SMC1B: variants seen among roughly 807,000 people sequenced by gnomAD.
The protein encoded by SMC1B is structural maintenance of chromosomes protein 1B.
A neutral mutation model predicts 157.9 loss-of-function variants in SMC1B; 60 were observed. That is an observed-to-expected ratio of 0.38 (90% CI 0.31 to 0.47). The LOEUF is 0.47. Among genes scored for constraint, SMC1B ranks in the 20% least tolerant of loss-of-function variants. The pLI is 0.99. For synonymous variants in SMC1B, 445 were observed against 483.0 expected (o/e 0.92, Z 1.03); for missense variants, 1,165 against 1,426.2 (o/e 0.82, Z 2.95).
intron 6 of SMC1B, among the ~76,000 whole-genome samples, chr22:45,396,899 A>C (rs2087131357): frequency 6.6e-6 from 1 of 152,022 alleles, no homozygotes. Context: ...CAAGAAGGAA[A>C]CTGATTACTT....
chr22:45,392,653 A>T lies in SMC1B; in HGVS notation c.1545+981T>A, dbSNP rs772835627. 3.9e-5 allele frequency among the ~76,000 whole-genome samples: 6 copies of T among 152,120 alleles called. No homozygotes were observed. In the South Asian group the frequency reaches 1.2e-3, roughly 31 times the overall value. On this transcript the variant is annotated intron_variant, in intron 9 of 24. Transcript: ENST00000357450. ...AAAGGAGATGAAGATGGGTGGCCAGAGACATAGGAGGAAAACCATGAAAGT... is the reference window on the plus strand; with the variant it reads ...AAAGGAGATGAAGATGGGTGGCCAGTGACATAGGAGGAAAACCATGAAAGT...
chr22:45,350,346 C>G (rs1037083115), intron 22 of SMC1B, among the ~76,000 whole-genome samples: 3 of 151,950 alleles, frequency 2.0e-5, no homozygotes, highest in African/African-American at 7.3e-5. Context: ...GGCACAATCC[C>G]GGCTCACTGC....
chr22:45,351,900 A>C (rs1436581441), intron 22 of SMC1B, among the ~76,000 whole-genome samples: 2 of 152,230 alleles, frequency 1.3e-5, no homozygotes, highest in Non-Finnish European at 2.9e-5. Context: ...AAATAAGGAG[A>C]TTAAATACTT....
chr22:45,351,916 G>A (rs1228590153), intron 22 of SMC1B, among the ~76,000 whole-genome samples: 1 of 152,188 alleles, frequency 6.6e-6, no homozygotes, highest in African/African-American at 2.4e-5. Context: ...TACTTTTATA[G>A]AAGAAATACT....
chr22:45,349,327 TTTTTG>T (rs1185184457), intron 23 of SMC1B, among the ~76,000 whole-genome samples: 1 of 150,200 alleles, frequency 6.7e-6, no homozygotes, highest in Admixed American at 6.6e-5. Context: ...AGGACTGAAT[TTTTTG>T]TTTTGTTTTG....
At chr22:45,356,947 G>A (rs2086676328) in intron 19 of SMC1B, among the ~76,000 whole-genome samples, 1 of 151,968 alleles carries the variant, frequency 6.6e-6, no homozygotes, top group Admixed American at 6.6e-5. Context: ...TGGCCAGGCT[G>A]GTCTCGAACT....
In SMC1B at chr22:45,348,729, T is replaced by TG. The variant is rs1002347662; in HGVS notation, c.3495+998_3495+999insC. 5.4e-4 allele frequency among the ~76,000 whole-genome samples: 82 copies of TG among 150,494 alleles called. 1 individual carries two copies. Among genetic ancestry groups the TG allele is most frequent in the African/African-American group, 1.7e-3 (69 of 41,138 alleles). Reference sequence around the variant, plus strand: ...ATTTCAAAAGGACTGTTTTTTTTGTTTTGTTTTGTTTTTTCCTGGAGTGCA... The same window carrying TG: ...ATTTCAAAAGGACTGTTTTTTTTGTTGTTGTTTTGTTTTTTCCTGGAGTGCA... On this transcript the variant is annotated intron_variant, in intron 23 of 24. Transcript: ENST00000357450.
At chr22:45,389,964 T>C (rs2087038711) in intron 9 of SMC1B, 67 bp from the exon 10 acceptor site, 2 of 1,333,506 alleles carry the variant, frequency 1.5e-6, no homozygotes, top group Admixed American at 2.2e-5. Flanking sequence ...TTCATTATTT[T>C]CTAATGTAAC....
At chr22:45,359,529 G>A (rs978018962) in intron 18 of SMC1B, among the ~76,000 whole-genome samples, 43 of 152,180 alleles carry the variant, frequency 2.8e-4, no homozygotes, top group African/African-American at 9.6e-4. Context: ...GCAGGGAACC[G>A]CTGCATACTG....
chr22:45,408,643 A>G, intron 2 of SMC1B, 67 bp downstream of exon 2: 1 of 1,139,854 alleles, frequency 8.8e-7, no homozygotes, highest in East Asian at 2.6e-5. Context: ...CCCTCCAAAG[A>G]AAGAAAAAAT....
chr22:45,391,448 G>A (rs1475781789), intron 9 of SMC1B, among the ~76,000 whole-genome samples: 3 of 151,998 alleles, frequency 2.0e-5, no homozygotes, highest in Non-Finnish European at 2.9e-5. Flanking sequence ...TCTAGACTGG[G>A]CTCTTTGACT....
At chr22:45,361,411 G>A (rs956982502) in intron 17 of SMC1B, among the ~76,000 whole-genome samples, 5 of 152,108 alleles carry the variant, frequency 3.3e-5, no homozygotes, top group Non-Finnish European at 7.4e-5. Flanking sequence ...TTAGGAGTTC[G>A]AGACCAACCT....
At chr22:45,350,320 C>T (rs1288518045) in intron 22 of SMC1B, among the ~76,000 whole-genome samples, 10 of 126,980 alleles carry the variant, frequency 7.9e-5, no homozygotes, top group Non-Finnish European at 8.6e-5. Context: ...GCTCTGTCAC[C>T]AGGCTGGAGT....
chr22:45,370,204 C>T lies in SMC1B; in HGVS notation c.2314-144G>A, dbSNP rs776859616. 7 of 430,950 alleles carry T rather than the reference C, an allele frequency of 1.6e-5. No homozygotes were observed. The South Asian group carries it at 4.5e-4, about 27-fold the overall frequency. 26.7% of individuals were successfully genotyped at this position (430,950 alleles called of 1,614,324 possible). On this transcript the variant is annotated intron_variant, in intron 14 of 24. Coordinates refer to ENST00000357450, the MANE Select transcript of SMC1B (RefSeq NM_148674.5). Reference sequence around the variant, plus strand: ...ATTACTGTATTCTGAGAAGCCAGTACTTTTTTTTCCTTTAATTCCATAAAT... The same window carrying T: ...ATTACTGTATTCTGAGAAGCCAGTATTTTTTTTTCCTTTAATTCCATAAAT...
chr22:45,371,631 C>T, intron 13 of SMC1B, 44 bp from the exon 14 acceptor site: 1 of 1,550,826 alleles, frequency 6.4e-7, no homozygotes, highest in East Asian at 2.3e-5. Context: ...GCTGTTTTAG[C>T]TTTATATAGT....
intron 10 of SMC1B, among the ~76,000 whole-genome samples, chr22:45,388,106 C>G (rs1250338410): frequency 6.6e-6 from 1 of 151,686 alleles, no homozygotes; most frequent in African/African-American, 2.4e-5. Context: ...TTCAGAGCTT[C>G]TTAGTCATGA....
At chr22:45,397,353 C>CA (rs992124484) in intron 6 of SMC1B, among the ~76,000 whole-genome samples, 10 of 151,998 alleles carry the variant, frequency 6.6e-5, no homozygotes, top group African/African-American at 1.9e-4. Context: ...CTCATCTCTA[C>CA]AAAAAATTTA....
chr22:45,399,073 C>T (rs769234348), intron 6 of SMC1B, 22 bp downstream of exon 6: 2 of 1,597,524 alleles, frequency 1.3e-6, no homozygotes, highest in Non-Finnish European at 8.5e-7. Flanking sequence ...CACAAGATTT[C>T]CCCTAAGTTG....
intron 9 of SMC1B, 22 bp from the exon 10 acceptor site, chr22:45,389,919 A>G: frequency 6.3e-7 from 1 of 1,578,488 alleles, no homozygotes; most frequent in Non-Finnish European, 8.7e-7. Flanking sequence ...TCAAAAAAGG[A>G]GAGAAAAACA....
Sources: allele counts gnomAD v4.1 joint callset (sites outside exome capture counted in the v4.1 genomes callset), GRCh38; gene constraint gnomAD v4.1.1; transcripts MANE v1.5; gene names NCBI Gene and HGNC (gene_info 2026-07-23, HGNC 2026-07-21).